Variants in NXN observed in about 807,000 individuals in gnomAD.
The protein encoded by NXN is nucleoredoxin 1.
NXN carries 16 observed loss-of-function variants against 48.6 expected under a neutral mutation model. The observed-to-expected ratio is 0.33, with a 90% confidence interval of 0.22 to 0.50. The LOEUF (loss-of-function observed/expected upper bound fraction) is 0.50. Ranked by LOEUF, NXN falls within the 20% of genes least tolerant of loss-of-function variation. The pLI is 0.98. For missense variants in NXN, 492 were observed against 605.5 expected, an observed-to-expected ratio of 0.81 and a Z score of 1.97; for synonymous variants, 281 against 269.6, an observed-to-expected ratio of 1.04 and a Z score of -0.41.
chr17:817,275 GA>G (rs1467955542), intron 5 of NXN, among the ~76,000 whole-genome samples: 1 of 152,062 alleles, frequency 6.6e-6, no homozygotes, highest in Non-Finnish European at 1.5e-5. Flanking sequence ...ATGTACTTGG[GA>G]TTGAGAAGCA....
chr17:823,804 C>T (rs762819027), intron 2 of NXN, 39 bp from the exon 3 acceptor site: 7 of 1,611,518 alleles, frequency 4.3e-6, no homozygotes, highest in African/African-American at 4.0e-5. Flanking sequence ...GGCTTAGACC[C>T]TTCTTGATGA....
At chr17:828,467 T>C (rs893089671) in intron 1 of NXN, among the ~76,000 whole-genome samples, 1 of 147,522 alleles carries the variant, frequency 6.8e-6, no homozygotes, top group Admixed American at 6.9e-5. Context: ...AATGGTGTGA[T>C]CTAGGCTCAC....
chr17:922,039 A>G (rs1033832696), intron 1 of NXN, among the ~76,000 whole-genome samples: 2 of 152,248 alleles, frequency 1.3e-5, no homozygotes, highest in African/African-American at 4.8e-5. Context: ...ACCCTTTGGT[A>G]GTAGACTGGG....
At chr17:813,561 A>G (rs1488149176) in intron 5 of NXN, among the ~76,000 whole-genome samples, 1 of 152,252 alleles carries the variant, frequency 6.6e-6, no homozygotes, top group African/African-American at 2.4e-5. Flanking sequence ...CAAAACTAGG[A>G]GGATCTGGAA....
Position 820,961 on chromosome 17 carries a change from G to A in NXN, c.713+1396C>T, listed in dbSNP as rs1172686897. Among the ~76,000 whole-genome samples, 2 of 72,488 alleles carry A rather than the reference G, an allele frequency of 2.8e-5. 1 individual carries two copies. The highest frequency in any genetic ancestry group is 5.0e-5 in the Non-Finnish European group (2 of 39,860). 47.6% of individuals were successfully genotyped at this position (72,488 alleles called of 152,430 possible). The stretch of plus-strand genomic sequence containing the variant: ...AAAACAAAAAAAAAAACTGACTGCT[G>A]CACCTGGCACGGCTTCACGCTGAGA... On this transcript the variant is annotated intron_variant, in intron 4 of 7. Transcript: ENST00000336868.
chr17:861,159 A>G (rs1317916294), intron 1 of NXN, among the ~76,000 whole-genome samples: 2 of 152,066 alleles, frequency 1.3e-5, no homozygotes, highest in African/African-American at 4.8e-5. Context: ...TTTGAGACAC[A>G]GTTTCACTCT....
chr17:946,650 C>T (rs557972842), intron 1 of NXN, among the ~76,000 whole-genome samples: 3 of 152,332 alleles, frequency 2.0e-5, no homozygotes, highest in East Asian at 3.9e-4. Context: ...CCCAAAACCA[C>T]GCTCCCCGTT....
chr17:801,029 C>T lies in NXN; in HGVS notation c.1228G>A (p.Val410Met), dbSNP rs753645691. Reference sequence around the variant, plus strand: ...ACGATGGCGGGGGTGATCTCCTCCACGTCCATCACGTACTTGGCCCGGGCT... The same window carrying T: ...ACGATGGCGGGGGTGATCTCCTCCATGTCCATCACGTACTTGGCCCGGGCT... ...MSARAKYVMDVEEITPAIVEA... is the reference protein window; with the variant it reads ...MSARAKYVMDMEEITPAIVEA... The change falls in exon 8 of 8, where the codon GTG (valine) becomes ATG (methionine). Residue 410 changes from valine (V) to methionine (M), a missense_variant. Transcript: ENST00000336868. The T allele has an allele frequency of 2.3e-5, 36 of 1,572,544 alleles. No individual in the cohort carries two copies. Among genetic ancestry groups the T allele is most frequent in the African/African-American group, 5.5e-5 (4 of 73,120 alleles).
chr17:876,249 G>A (rs62068409), intron 1 of NXN, among the ~76,000 whole-genome samples: 18 of 150,196 alleles, frequency 1.2e-4, no homozygotes, highest in South Asian at 2.1e-4. Context: ...GAAGAGAAGA[G>A]AAGAAAAGAA....
rs185294660 is a variant in NXN at position 807,375 on chromosome 17, G to A, written c.821-2128C>T. Among the ~76,000 whole-genome samples the A allele has an allele frequency of 3.0e-3, 450 of 152,366 alleles. 5 individuals carry two copies. Among genetic ancestry groups the A allele is most frequent in the African/African-American group, 0.01 (434 of 41,596 alleles). ...GCCTGCGTGTGCCCCGGCGTGGGAT[G>A]CCGAGTGGGTCTGTGGAAGAGAGGC... On this transcript the variant is annotated intron_variant, in intron 5 of 7. Transcript: ENST00000336868.
intron 1 of NXN, among the ~76,000 whole-genome samples, chr17:975,181 C>A (rs2069443886): frequency 6.6e-6 from 1 of 152,106 alleles, no homozygotes; most frequent in Non-Finnish European, 1.5e-5. Flanking sequence ...GTCCTAGAAA[C>A]ACAGTCACCA....
chr17:969,585 T>C (rs2069348605), intron 1 of NXN, among the ~76,000 whole-genome samples: 1 of 152,128 alleles, frequency 6.6e-6, no homozygotes, highest in Non-Finnish European at 1.5e-5. Context: ...TCCCGCCCAA[T>C]CTTCAGATTT....
intron 3 of NXN, among the ~76,000 whole-genome samples, chr17:822,764 C>A: frequency 6.6e-6 from 1 of 152,174 alleles, no homozygotes; most frequent in East Asian, 1.9e-4. Flanking sequence ...TGTCCCTATG[C>A]AGTGTGTGAG....
chr17:856,108 G>T (rs958231708), intron 1 of NXN, among the ~76,000 whole-genome samples: 6 of 151,986 alleles, frequency 3.9e-5, no homozygotes, highest in Admixed American at 3.9e-4. Flanking sequence ...CAGGAGAATC[G>T]CTTGAACCCG....
At chr17:952,833 A>T (rs911855412) in intron 1 of NXN, among the ~76,000 whole-genome samples, 2 of 146,438 alleles carry the variant, frequency 1.4e-5, no homozygotes, top group Admixed American at 6.9e-5. Flanking sequence ...CTGGAGTCAG[A>T]CAGACCAAGG....
intron 5 of NXN, among the ~76,000 whole-genome samples, chr17:812,484 G>A (rs1912125077): frequency 6.6e-6 from 1 of 152,358 alleles, no homozygotes; most frequent in Admixed American, 6.5e-5. Flanking sequence ...CAAACAGGGA[G>A]CAGGACGTCC....
At chr17:886,409 GC>G (rs1399840882) in intron 1 of NXN, among the ~76,000 whole-genome samples, 1 of 152,166 alleles carries the variant, frequency 6.6e-6, no homozygotes, top group African/African-American at 2.4e-5. Flanking sequence ...GATAGATTCT[GC>G]TGGACACCTG....
At chr17:811,439 C>T (rs571476471) in intron 5 of NXN, among the ~76,000 whole-genome samples, 2 of 152,170 alleles carry the variant, frequency 1.3e-5, no homozygotes, top group Non-Finnish European at 2.9e-5. Context: ...TGACAACGGT[C>T]TCCTTAGAAA....
intron 1 of NXN, among the ~76,000 whole-genome samples, chr17:889,934 G>A (rs971189722): frequency 1.3e-5 from 2 of 152,060 alleles, no homozygotes; most frequent in African/African-American, 2.4e-5. Flanking sequence ...CCAACCTGCC[G>A]TAGATCACGT....
Sources: gnomAD v4.1 joint callset for allele counts (sites outside exome capture counted in the v4.1 genomes callset) on GRCh38, gnomAD v4.1.1 for gene constraint, MANE v1.5 for transcripts, NCBI Gene and HGNC (gene_info 2026-07-23, HGNC 2026-07-21) for gene names.